FBXW4: variants seen among roughly 807,000 people sequenced by gnomAD.
The protein encoded by FBXW4 is F-box and WD repeat domain containing 4.
FBXW4 carries 40 observed loss-of-function variants against 61.8 expected under a neutral mutation model. The ratio of observed to expected loss-of-function variants is 0.65; its 90% CI spans 0.50 to 0.84. The LOEUF is 0.84. FBXW4 is among the 40% of genes least tolerant of loss of function. FBXW4 has a pLI of 0.00. For synonymous variants in FBXW4, 311 were observed against 313.8 expected (o/e 0.99, Z 0.10); for missense variants, 672 against 753.8 (o/e 0.89, Z 1.27).
intron 5 of FBXW4, among the ~76,000 whole-genome samples, chr10:101,631,199 C>G (rs9651449): frequency 6.6e-6 from 1 of 152,088 alleles, no homozygotes; most frequent in African/African-American, 2.4e-5. Context: ...ACAGTGCAGA[C>G]AGAAAATTTA....
intron 5 of FBXW4, among the ~76,000 whole-genome samples, chr10:101,656,342 T>G (rs566841064): frequency 3.3e-5 from 5 of 152,188 alleles, no homozygotes; most frequent in Non-Finnish European, 7.3e-5. Flanking sequence ...GTCTCCAGCC[T>G]GGAACCAGAA....
intron 1 of FBXW4, among the ~76,000 whole-genome samples, chr10:101,686,889 C>T (rs2064539687): frequency 6.6e-6 from 1 of 152,050 alleles, no homozygotes; most frequent in Admixed American, 6.6e-5. Context: ...CAACTCACTT[C>T]TGGAGGGGAC....
At chr10:101,690,035 T>C (rs2064577442) in intron 1 of FBXW4, among the ~76,000 whole-genome samples, 1 of 152,252 alleles carries the variant, frequency 6.6e-6, no homozygotes, top group Non-Finnish European at 1.5e-5. Flanking sequence ...TTTGAGAATA[T>C]GTAGCACTTA....
intron 5 of FBXW4, among the ~76,000 whole-genome samples, chr10:101,640,993 G>A (rs1266022865): frequency 1.3e-5 from 2 of 151,958 alleles, no homozygotes; most frequent in Non-Finnish European, 2.9e-5. Context: ...ACCACACCCA[G>A]CTAATTTTTG....
chr10:101,614,256 ATGTT>A (rs749842767), intron 6 of FBXW4, among the ~76,000 whole-genome samples: 8 of 152,186 alleles, frequency 5.3e-5, no homozygotes, highest in Admixed American at 1.3e-4. Context: ...AAGTAATTTC[ATGTT>A]TGTTTGAAAT....
intron 1 of FBXW4, among the ~76,000 whole-genome samples, chr10:101,691,367 C>T (rs941341129): frequency 5.9e-5 from 9 of 152,158 alleles, no homozygotes; most frequent in African/African-American, 1.9e-4. Context: ...CTGTAACACG[C>T]ATAACTTCTT....
At chr10:101,687,483 A>G (rs1181349078) in intron 1 of FBXW4, among the ~76,000 whole-genome samples, 1 of 152,132 alleles carries the variant, frequency 6.6e-6, no homozygotes, top group East Asian at 1.9e-4. Flanking sequence ...TCTCCTCAAT[A>G]TGACTCCAAA....
chr10:101,668,473 T>G (rs1196869607), intron 4 of FBXW4, among the ~76,000 whole-genome samples: 1 of 152,124 alleles, frequency 6.6e-6, no homozygotes, highest in Non-Finnish European at 1.5e-5. Context: ...AAGGAAAGAA[T>G]GGAAGAAGAA....
chr10:101,663,058 C>G (rs1270007159), intron 5 of FBXW4, among the ~76,000 whole-genome samples: 1 of 152,162 alleles, frequency 6.6e-6, no homozygotes, highest in Non-Finnish European at 1.5e-5. Flanking sequence ...GCCTGCTTGT[C>G]CCTCAGCACA....
chr10:101,633,640 A>G (rs867596110), intron 5 of FBXW4, among the ~76,000 whole-genome samples: 2 of 152,344 alleles, frequency 1.3e-5, no homozygotes, highest in Middle Eastern at 6.8e-3. Context: ...CAGTATATAC[A>G]CATAGCACAC....
At chr10:101,662,962 G>A (rs929041575) in intron 5 of FBXW4, among the ~76,000 whole-genome samples, 1 of 152,180 alleles carries the variant, frequency 6.6e-6, no homozygotes, top group Non-Finnish European at 1.5e-5. Flanking sequence ...CAGGAAGAGA[G>A]AATGTTCACA....
chr10:101,631,388 G>T (rs1252143020), intron 5 of FBXW4, among the ~76,000 whole-genome samples: 1 of 152,052 alleles, frequency 6.6e-6, no homozygotes, highest in East Asian at 1.9e-4. Context: ...ATACAAGCAA[G>T]AGACTTATGA....
At chr10:101,632,834 T>C (rs768806186) in intron 5 of FBXW4, among the ~76,000 whole-genome samples, 4 of 151,956 alleles carry the variant, frequency 2.6e-5, no homozygotes, top group Non-Finnish European at 5.9e-5. Context: ...GAAATGATGA[T>C]ACAATATTCA....
At chr10:101,627,928 G>A (rs1206356418) in intron 5 of FBXW4, 1 of 984,398 alleles carries the variant, frequency 1.0e-6, no homozygotes, top group Non-Finnish European at 1.2e-6. Flanking sequence ...AGTCTCACTG[G>A]CCTCAGTTCT....
rs2134895224 is a variant in FBXW4, at chr10:101,673,683, T to C, written c.822-10A>G. The C allele has an allele frequency of 6.2e-7, 1 of 1,609,046 alleles. No individual in the cohort carries two copies. The highest frequency in any genetic ancestry group is 8.5e-7 in the Non-Finnish European group (1 of 1,176,122). On this transcript the variant is annotated splice_polypyrimidine_tract_variant and intron_variant, in intron 2 of 8. Coordinates refer to ENST00000331272, the MANE Select transcript of FBXW4 (RefSeq NM_022039.4). Reference sequence around the variant, plus strand: ...CATCCAGGGCATCTGACTGAAATGATGGAAAAGAAAATTTAAAAGTCATCA... The same window carrying C: ...CATCCAGGGCATCTGACTGAAATGACGGAAAAGAAAATTTAAAAGTCATCA...
At position 101,695,158 on chromosome 10, in the gene FBXW4, G is replaced by C. The variant is rs576005773; in HGVS notation, c.-53C>G. On this transcript the variant is annotated 5_prime_UTR_variant, in exon 1 of 9. Coordinates refer to ENST00000331272, the MANE Select transcript of FBXW4 (RefSeq NM_022039.4). This position sits in a 1 kb window ranked among gnomAD's most constrained non-coding sequence, Gnocchi z 4.2. The stretch of plus-strand genomic sequence containing the variant: ...GAGCCCAGCCCGAGCCGCCACCGCC[G>C]CCGCCCCGGGAGGAGGCGACACCAT... The C allele has an allele frequency of 1.0e-4, 102 of 985,296 alleles. No individual in the cohort carries two copies. In the Middle Eastern group the frequency reaches 1.6e-3, roughly 15 times the overall value. 61.0% of individuals were successfully genotyped at this position (985,296 alleles called of 1,614,324 possible).
rs751400544 is a variant in FBXW4 at position 101,667,972 on chromosome 10, A to C, written c.1149T>G (p.Pro383=). The C allele has an allele frequency of 1.7e-5, 27 of 1,613,992 alleles. 1 individual carries two copies. In the South Asian group the frequency reaches 3.0e-4, roughly 18 times the overall value. Reference sequence around the variant, plus strand: ...ACTGCCCCAGCCGGCCTGAGGCCAAAGGCCACACCTAGAAACAGGAGAGGA... The same window carrying C: ...ACTGCCCCAGCCGGCCTGAGGCCAACGGCCACACCTAGAAACAGGAGAGGA... ...GSRDRTAKVW[P]LASGRLGQCL... is the part of the protein sequence containing the mutation. Residue 383 remains proline, a synonymous_variant, in exon 5 of 9, where the codon CCT becomes CCG. Transcript: ENST00000331272.
intron 5 of FBXW4, among the ~76,000 whole-genome samples, chr10:101,639,744 T>G (rs1404800494): frequency 2.0e-5 from 3 of 152,114 alleles, no homozygotes; most frequent in Non-Finnish European, 4.4e-5. Flanking sequence ...GCTGGTCAGC[T>G]TGGAGAAAGG....
intron 5 of FBXW4, among the ~76,000 whole-genome samples, chr10:101,642,440 T>C (rs1177523536): frequency 6.6e-6 from 1 of 151,588 alleles, no homozygotes; most frequent in Non-Finnish European, 1.5e-5. Flanking sequence ...CTCAGGTTCC[T>C]CTGAAGTCCC....
Sources: gnomAD v4.1 joint callset for allele counts (sites outside exome capture counted in the v4.1 genomes callset) on GRCh38, gnomAD v4.1.1 for gene constraint, Gnocchi (gnomAD v3.1) non-coding constraint, MANE v1.5 for transcripts, NCBI Gene and HGNC (gene_info 2026-07-23, HGNC 2026-07-21) for gene names.